The following METTL25 variants were observed in gnomAD, a reference collection of about 807,000 sequenced individuals.
METTL25 encodes the protein methyltransferase like 25, also known as probable methyltransferase-like protein 25.
Under a neutral mutation model 71.6 loss-of-function variants are expected in METTL25, and 64 were observed. The ratio of observed to expected loss-of-function variants is 0.89; its 90% CI spans 0.73 to 1.10. The LOEUF (loss-of-function observed/expected upper bound fraction) is 1.10. METTL25 is among the 50% of genes least tolerant of loss of function. The pLI is 0.00. For missense variants in METTL25, 807 were observed against 707.0 expected (o/e 1.14, Z -1.60); for synonymous variants, 287 against 250.3 (o/e 1.15, Z -1.38).
At chr12:82,416,489 G>A (rs1236895530) in intron 5 of METTL25, among the ~76,000 whole-genome samples, 2 of 148,838 alleles carry the variant, frequency 1.3e-5, no homozygotes, top group South Asian at 4.3e-4. Flanking sequence ...TGTTGTCCAG[G>A]CTGGAGTGCA....
chr12:82,369,384 C>A, intron 1 of METTL25: 1 of 405,098 alleles, frequency 2.5e-6, no homozygotes, highest in South Asian at 1.8e-5. Context: ...TTGTTCCTCC[C>A]AGTGGGTTCT....
chr12:82,454,831 C>T (rs77867212), intron 8 of METTL25, among the ~76,000 whole-genome samples: 4 of 151,772 alleles, frequency 2.6e-5, no homozygotes, highest in Non-Finnish European at 5.9e-5. Context: ...ATAATAAAAG[C>T]AAAATCTAGA....
At chr12:82,407,539 A>C (rs1003970752) in intron 5 of METTL25, among the ~76,000 whole-genome samples, 2 of 152,182 alleles carry the variant, frequency 1.3e-5, no homozygotes, top group Non-Finnish European at 2.9e-5. Context: ...GCTAGGCTTC[A>C]GTGGGGAAAG....
At chr12:82,375,674 C>T (rs1160971948) in intron 1 of METTL25, among the ~76,000 whole-genome samples, 1 of 152,092 alleles carries the variant, frequency 6.6e-6, no homozygotes, top group Non-Finnish European at 1.5e-5. Context: ...TAGTGAGGTC[C>T]AGAAGTGATT....
At chr12:82,444,956 C>T (rs949692478) in intron 8 of METTL25, among the ~76,000 whole-genome samples, 1 of 151,984 alleles carries the variant, frequency 6.6e-6, no homozygotes, top group Non-Finnish European at 1.5e-5. Context: ...TTGAATATAC[C>T]AGACTCTATA....
At chr12:82,415,944 T>C (rs1272361768) in intron 5 of METTL25, among the ~76,000 whole-genome samples, 2 of 152,128 alleles carry the variant, frequency 1.3e-5, no homozygotes, top group African/African-American at 4.8e-5. Context: ...ATAATAAATT[T>C]AATCATTGTA....
chr12:82,432,087 T>C (rs1889547280), intron 6 of METTL25, among the ~76,000 whole-genome samples: 1 of 151,666 alleles, frequency 6.6e-6, no homozygotes. Context: ...AATAAAATAT[T>C]TAACAAAGTA....
chr12:82,430,948 A>G lies in METTL25; in HGVS notation c.1335A>G (p.Arg445=). The G allele has an allele frequency of 6.2e-7, 1 of 1,602,878 alleles. No homozygotes were observed. The highest frequency in any genetic ancestry group is 8.5e-7 in the Non-Finnish European group (1 of 1,173,412). Residue 445 remains arginine, a synonymous_variant, in exon 6 of 12, where the codon AGA becomes AGG. Transcript: ENST00000248306. The part of the protein sequence containing the change: ...FPMCHYLKEE[R]WCCGRNARMS... ...TGTGCCACTATTTAAAGGAAGAGAG[A>G]TGGTGCTGTGGTCGTAATGCCAGAA...
At chr12:82,429,761 T>TA (rs1408553760) in intron 5 of METTL25, among the ~76,000 whole-genome samples, 1 of 151,712 alleles carries the variant, frequency 6.6e-6, no homozygotes, top group Non-Finnish European at 1.5e-5. Flanking sequence ...ATCCTTTGGC[T>TA]ACATTTTAAT....
At chr12:82,399,423 G>C (rs1311420594) in intron 4 of METTL25, 29 bp downstream of exon 4, 4 of 1,486,492 alleles carry the variant, frequency 2.7e-6, no homozygotes, top group Admixed American at 4.6e-5. Flanking sequence ...TATTTAATTT[G>C]ATTTACAAAA....
chr12:82,395,430 A>T (rs920490947), intron 3 of METTL25, among the ~76,000 whole-genome samples: 2 of 152,000 alleles, frequency 1.3e-5, no homozygotes, highest in African/African-American at 4.8e-5. Context: ...CAGGCTCAGG[A>T]TGGAGTTGGT....
At chr12:82,408,188 AT>A (rs1340635887) in intron 5 of METTL25, among the ~76,000 whole-genome samples, 2 of 152,182 alleles carry the variant, frequency 1.3e-5, no homozygotes. Context: ...GACATGAAGA[AT>A]TCTACAGGAT....
intron 8 of METTL25, among the ~76,000 whole-genome samples, chr12:82,449,318 G>A (rs1202470269): frequency 6.6e-6 from 1 of 152,094 alleles, no homozygotes; most frequent in Admixed American, 6.5e-5. Context: ...TATTATTGTG[G>A]CATTCAAGGC....
intron 6 of METTL25, among the ~76,000 whole-genome samples, chr12:82,433,029 A>G (rs1361135188): frequency 6.6e-6 from 1 of 151,678 alleles, no homozygotes; most frequent in Non-Finnish European, 1.5e-5. Context: ...AGTAGCATGA[A>G]ATGAATGCTT....
chr12:82,384,227 A>G (rs1884732679), intron 1 of METTL25, among the ~76,000 whole-genome samples: 1 of 152,208 alleles, frequency 6.6e-6, no homozygotes, highest in Non-Finnish European at 1.5e-5. Flanking sequence ...GTAACACTGG[A>G]ATTTCTGTTT....
At chr12:82,427,505 C>T (rs964280272) in intron 5 of METTL25, among the ~76,000 whole-genome samples, 10 of 151,650 alleles carry the variant, frequency 6.6e-5, no homozygotes, top group African/African-American at 2.4e-4. Context: ...TTTTCTAGTC[C>T]AAGTTTTCTT....
At chr12:82,382,224 A>C (rs1884508372) in intron 1 of METTL25, among the ~76,000 whole-genome samples, 1 of 152,222 alleles carries the variant, frequency 6.6e-6, no homozygotes, top group South Asian at 2.1e-4. Flanking sequence ...TGTCATTGTG[A>C]AGATTATAAT....
rs149921971 is a variant in METTL25, at chr12:82,373,847, C to T, written c.260-12956C>T. ...TTCCCAGAAAGTCTAACACCTGTGTCTTTAGTCTGGAGGTCATGCTAGTCG... is the reference window on the plus strand; with the variant it reads ...TTCCCAGAAAGTCTAACACCTGTGTTTTTAGTCTGGAGGTCATGCTAGTCG... On this transcript the variant is annotated intron_variant, in intron 1 of 11. Coordinates refer to ENST00000248306, the MANE Select transcript of METTL25 (RefSeq NM_032230.3). 3.3e-5 allele frequency among the ~76,000 whole-genome samples: 5 copies of T among 152,324 alleles called. No individual in the cohort carries two copies. The South Asian group carries it at 8.3e-4, about 25-fold the overall frequency.
rs148402757 is a variant in METTL25 at position 82,435,813 on chromosome 12, T to C, written c.1404+1089T>C. Reference sequence around the variant, plus strand: ...TAAATGCCAACTGTTGTTGCTGTTATAGATAATTAATAATTATGATCATGA... The same window carrying C: ...TAAATGCCAACTGTTGTTGCTGTTACAGATAATTAATAATTATGATCATGA... On this transcript the variant is annotated intron_variant, in intron 7 of 11. Transcript: ENST00000248306. Among the ~76,000 whole-genome samples the C allele has an allele frequency of 3.5e-3, 530 of 151,602 alleles. 3 individuals are homozygous for C. Among genetic ancestry groups the C allele is most frequent in the South Asian group, 7.9e-3 (38 of 4,832 alleles).
Sources: allele counts gnomAD v4.1 joint callset (sites outside exome capture counted in the v4.1 genomes callset), GRCh38; gene constraint gnomAD v4.1.1; transcripts MANE v1.5; gene names NCBI Gene and HGNC (gene_info 2026-07-23, HGNC 2026-07-21).